Variants in RIMKLB observed in about 807,000 individuals in gnomAD.
RIMKLB encodes beta-citrylglutamate synthase B.
A neutral mutation model predicts 32.0 loss-of-function variants in RIMKLB; 7 were observed. That is an observed-to-expected ratio of 0.22 (90% CI 0.12 to 0.41). The LOEUF (loss-of-function observed/expected upper bound fraction) is 0.41, where lower values mean the gene tolerates loss of function less well. RIMKLB is among the 10% of genes least tolerant of loss of function. RIMKLB has a pLI of 1.00. For missense variants in RIMKLB, 289 were observed against 498.7 expected, an observed-to-expected ratio of 0.58 and a Z score of 4.00; for synonymous variants, 172 against 185.1, an observed-to-expected ratio of 0.93 and a Z score of 0.57.
chr12:8,753,883 A>G lies in RIMKLB; in HGVS notation c.494-7A>G. 1 of 1,611,712 alleles carries G rather than the reference A, an allele frequency of 6.2e-7. No homozygotes were observed. The highest frequency in any genetic ancestry group is 1.1e-5 in the South Asian group (1 of 91,034). ...TTAACATGTATTTTTATTCTTTTCA[A>G]TCATAGGTAAAGCTGTTTTCTTGGC... On this transcript the variant is annotated splice_polypyrimidine_tract_variant and splice_region_variant and intron_variant, in intron 4 of 5. Coordinates refer to ENST00000535829, the MANE Select transcript of RIMKLB (RefSeq NM_001297776.2).
chr12:8,674,605 A>T, the RIMKLB span, among the ~76,000 whole-genome samples: 1 of 151,744 alleles, frequency 6.6e-6, no homozygotes, highest in African/African-American at 2.4e-5. Context: ...GCTGGAGTGC[A>T]GTGGCGATAT....
chr12:8,755,949 T>G (rs1270425650), intron 5 of RIMKLB, among the ~76,000 whole-genome samples: 2 of 151,906 alleles, frequency 1.3e-5, no homozygotes, highest in Admixed American at 1.3e-4. Context: ...AGGCCAGGAG[T>G]TCAAGACTAG....
At chr12:8,778,582 CT>C (rs1000804031), downstream of RIMKLB, among the ~76,000 whole-genome samples, 85 of 152,286 alleles carry the variant, frequency 5.6e-4, no homozygotes, top group African/African-American at 2.0e-3. Flanking sequence ...AGGGATAGGA[CT>C]ACAACTCGTC....
chr12:8,737,250 C>CT (rs545535856), intron 2 of RIMKLB, among the ~76,000 whole-genome samples: 2,690 of 135,936 alleles, frequency 0.02, 41 homozygotes, highest in East Asian at 0.044. Flanking sequence ...TTAATCATGA[C>CT]TTTTTTTTTT....
At chr12:8,706,202 C>T (rs1030805246) in intron 1 of RIMKLB, among the ~76,000 whole-genome samples, 10 of 152,136 alleles carry the variant, frequency 6.6e-5, no homozygotes, top group Admixed American at 5.2e-4. Flanking sequence ...TGCAATGGTG[C>T]GATCTCAGCT....
rs777917358 is a variant in RIMKLB, at chr12:8,773,394, G to A, written c.771G>A (p.Gly257=). ...CTATCCAGGTGTCTAATATCCTGGG[G>A]ATGGATGTGTGTGGCATTGATCTGC... ...QLAIQVSNIL[G]MDVCGIDLLM... The change falls in exon 6 of 6, where the codon GGG becomes GGA. Residue 257 remains glycine (G), a synonymous_variant. Transcript: ENST00000535829. 2 of 1,614,128 alleles carry A rather than the reference G, an allele frequency of 1.2e-6. No homozygotes were observed. The highest frequency in any genetic ancestry group is 1.7e-6 in the Non-Finnish European group (2 of 1,179,926).
chr12:8,717,330 TAC>T (rs764550192), intron 2 of RIMKLB, among the ~76,000 whole-genome samples: 2 of 152,234 alleles, frequency 1.3e-5, no homozygotes, highest in Non-Finnish European at 2.9e-5. Context: ...TAAAAAATGT[TAC>T]ACGTCATTTA....
intron 1 of RIMKLB, among the ~76,000 whole-genome samples, chr12:8,686,540 C>T (rs990322696): frequency 4.0e-5 from 6 of 151,302 alleles, no homozygotes; most frequent in African/African-American, 7.3e-5. Flanking sequence ...AGTGCAGTGG[C>T]GCGATCTCGG....
chr12:8,744,153 T>C lies in RIMKLB; in HGVS notation c.176-5709T>C, dbSNP rs180757637. ...GGCATGAGTGATATTTGGTGAGTGC[T>C]CAAGAGATCAGTAGCTCATAAGGCA... On this transcript the variant is annotated intron_variant, in intron 2 of 5. Transcript: ENST00000535829. Among the ~76,000 whole-genome samples the C allele has an allele frequency of 1.1e-4, 17 of 152,106 alleles. 2 individuals carry two copies. Among genetic ancestry groups the C allele is most frequent in the African/African-American group, 3.6e-4 (15 of 41,354 alleles).
Position 8,782,209 on chromosome 12 carries a change from CAA to C in RIMKLB, c.*298-702_*298-701del, listed in dbSNP as rs567930755. ...TTTATTGTTAAGTTAACCTGGAACACAAGAGAGCATTTAACTTGAATTTTGTT... is the reference window on the plus strand; with the variant it reads ...TTTATTGTTAAGTTAACCTGGAACACGAGAGCATTTAACTTGAATTTTGTT... On this transcript the variant is annotated intron_variant, in intron 7 of 7. Transcript: ENST00000619374. Among the ~76,000 whole-genome samples, 640 of 152,120 alleles carry C rather than the reference CAA, an allele frequency of 4.2e-3. 1 individual carries two copies. Among genetic ancestry groups the C allele is most frequent in the Middle Eastern group, 0.014 (4 of 294 alleles).
intron 2 of RIMKLB, among the ~76,000 whole-genome samples, chr12:8,716,763 G>A (rs1443772477): frequency 7.2e-6 from 1 of 139,298 alleles, no homozygotes; most frequent in Non-Finnish European, 1.5e-5. Flanking sequence ...TTGAGACGGG[G>A]TCTCGCTCTG....
chr12:8,707,942 T>C (rs976042608), intron 1 of RIMKLB, among the ~76,000 whole-genome samples: 1 of 152,220 alleles, frequency 6.6e-6, no homozygotes, highest in African/African-American at 2.4e-5. Context: ...TTTTATCCTA[T>C]GTACAGTCTT....
chr12:8,720,040 G>A (rs1945281864), intron 2 of RIMKLB, among the ~76,000 whole-genome samples: 1 of 152,176 alleles, frequency 6.6e-6, no homozygotes, highest in Non-Finnish European at 1.5e-5. Context: ...AAAGAATGAA[G>A]CCTTCATTCA....
At chr12:8,686,491 C>A (rs12296571) in intron 1 of RIMKLB, among the ~76,000 whole-genome samples, 29 of 146,538 alleles carry the variant, frequency 2.0e-4, no homozygotes, top group Non-Finnish European at 3.2e-4. Context: ...GGTTTTCTTT[C>A]GTTTTTGAGA....
intron 1 of RIMKLB, among the ~76,000 whole-genome samples, chr12:8,686,317 C>CG (rs1216964013): frequency 2.6e-5 from 4 of 150,992 alleles, no homozygotes; most frequent in Non-Finnish European, 4.4e-5. Flanking sequence ...TTTTTGGAGA[C>CG]GGAGTCTCAC....
chr12:8,723,299 A>G (rs1945651871), intron 2 of RIMKLB, among the ~76,000 whole-genome samples: 1 of 152,194 alleles, frequency 6.6e-6, no homozygotes, highest in South Asian at 2.1e-4. Flanking sequence ...AGAGGGAGAG[A>G]GATGGGGAAG....
downstream of RIMKLB, chr12:8,777,603 C>G: frequency 7.8e-7 from 1 of 1,287,210 alleles, no homozygotes; most frequent in Non-Finnish European, 1.0e-6. Context: ...TTTCAGGAGC[C>G]AAAAAAACAA....
rs1945208206 is a variant in RIMKLB at position 8,719,373 on chromosome 12, T to A, written c.175+5332T>A. 2.6e-5 allele frequency among the ~76,000 whole-genome samples: 4 copies of A among 152,104 alleles called. No individual in the cohort carries two copies. In the South Asian group the frequency reaches 8.3e-4, roughly 32 times the overall value. ...TTAAGCTGGGTTTTTTTGTTTTGTT[T>A]TGTTTTGTTTTTGAGATGGAGTTTC... On this transcript the variant is annotated intron_variant, in intron 2 of 5. Transcript: ENST00000535829.
Position 8,774,915 on chromosome 12 carries a change from T to C in RIMKLB, c.*1131T>C, listed in dbSNP as rs937158242. On this transcript the variant is annotated 3_prime_UTR_variant, in exon 6 of 6. Coordinates refer to ENST00000535829, the MANE Select transcript of RIMKLB (RefSeq NM_001297776.2). The stretch of plus-strand genomic sequence containing the variant: ...ACGCATGCATGTGTATGTGTTTTGC[T>C]TTTTGTTTCCATCAACTAATCAAAA... 1.0e-5 allele frequency: 10 copies of C among 985,824 alleles called. No individual in the cohort carries two copies. The highest frequency in any genetic ancestry group is 1.2e-5 in the Non-Finnish European group (10 of 829,904). 61.1% of individuals were successfully genotyped at this position (985,824 alleles called of 1,614,324 possible). A position where few individuals can be genotyped will look rare whatever the true frequency, so the allele number is the denominator to read the frequency against.
Sources: gnomAD v4.1 joint callset for allele counts (sites outside exome capture counted in the v4.1 genomes callset) on GRCh38, gnomAD v4.1.1 for gene constraint, MANE v1.5 for transcripts, NCBI Gene and HGNC (gene_info 2026-07-23, HGNC 2026-07-21) for gene names.